CWC27: variants seen among roughly 807,000 people sequenced by gnomAD.
The protein encoded by CWC27 is spliceosome-associated protein CWC27 homolog.
A neutral mutation model predicts 63.6 loss-of-function variants in CWC27; 47 were observed. That is an observed-to-expected ratio of 0.74 (90% CI 0.58 to 0.94). The LOEUF is 0.94. Among genes scored for constraint, CWC27 ranks in the 40% least tolerant of loss-of-function variants. The pLI, the probability that CWC27 is intolerant of heterozygous loss-of-function variation, is 0.00. For synonymous variants in CWC27, 175 were observed against 179.8 expected (o/e 0.97, Z 0.22); for missense variants, 495 against 554.3 (o/e 0.89, Z 1.07).
At chr5:64,788,884 T>C in intron 6 of CWC27, 67 bp from the exon 7 acceptor site, 1 of 1,036,046 alleles carries the variant, frequency 9.7e-7, no homozygotes, top group Non-Finnish European at 1.4e-6. Context: ...GCTCTGAAAA[T>C]AAGGTATTTA....
intron 11 of CWC27, among the ~76,000 whole-genome samples, chr5:64,962,352 C>A (rs1433145165): frequency 1.3e-5 from 2 of 152,140 alleles, no homozygotes; most frequent in African/African-American, 4.8e-5. Flanking sequence ...GTACCAGAAA[C>A]AAAAGGAAGG....
rs138497090 is a variant in CWC27, at chr5:64,988,074, G to A, written c.1256+10836G>A. Among the ~76,000 whole-genome samples the A allele has an allele frequency of 5.3e-4, 81 of 152,136 alleles. 1 individual carries two copies. The East Asian group carries it at 0.014, about 26-fold the overall frequency. ...CTAGTGACATGAATTTTAGACCTTTGGTGTTCTCTGTCACCTCCATTCTGC... is the reference window on the plus strand; with the variant it reads ...CTAGTGACATGAATTTTAGACCTTTAGTGTTCTCTGTCACCTCCATTCTGC... On this transcript the variant is annotated intron_variant, in intron 13 of 13. Transcript: ENST00000381070.
At chr5:64,980,355 G>C (rs1749311991) in intron 13 of CWC27, among the ~76,000 whole-genome samples, 2 of 152,178 alleles carry the variant, frequency 1.3e-5, no homozygotes, top group Non-Finnish European at 2.9e-5. Flanking sequence ...GGATTCATAT[G>C]ACCATATGGA....
intron 10 of CWC27, among the ~76,000 whole-genome samples, chr5:64,815,623 C>A (rs941597464): frequency 3.9e-5 from 6 of 151,980 alleles, no homozygotes; most frequent in African/African-American, 1.4e-4. Context: ...TCATCATATT[C>A]CTGGCAGCCT....
At chr5:64,919,761 G>A (rs1353874216) in intron 11 of CWC27, among the ~76,000 whole-genome samples, 3 of 152,098 alleles carry the variant, frequency 2.0e-5, no homozygotes, top group Non-Finnish European at 4.4e-5. Context: ...CACCATTAAT[G>A]GGCACCTTGG....
intron 13 of CWC27, among the ~76,000 whole-genome samples, chr5:64,979,522 T>G (rs1238700307): frequency 6.6e-6 from 1 of 152,240 alleles, no homozygotes; most frequent in Non-Finnish European, 1.5e-5. Context: ...CTTTCTCAAG[T>G]CTCTGGTGAT....
chr5:64,829,100 A>G (rs940503198), intron 10 of CWC27, among the ~76,000 whole-genome samples: 1 of 152,210 alleles, frequency 6.6e-6, no homozygotes, highest in Non-Finnish European at 1.5e-5. Flanking sequence ...AGATTGTATT[A>G]TAACAGGATA....
intron 10 of CWC27, among the ~76,000 whole-genome samples, chr5:64,882,592 G>T (rs1342285630): frequency 6.6e-6 from 1 of 152,046 alleles, no homozygotes; most frequent in Non-Finnish European, 1.5e-5. Context: ...TTTAGTTGTT[G>T]TTGTTGTTGT....
chr5:64,859,661 A>G (rs1746350671), intron 10 of CWC27, among the ~76,000 whole-genome samples: 2 of 152,266 alleles, frequency 1.3e-5, no homozygotes, highest in African/African-American at 2.4e-5. Context: ...GCATATTACT[A>G]AAAACTAAAG....
At chr5:65,005,965 T>C (rs1435074351) in intron 13 of CWC27, among the ~76,000 whole-genome samples, 1 of 152,164 alleles carries the variant, frequency 6.6e-6, no homozygotes, top group Admixed American at 6.5e-5. Flanking sequence ...CCGAGAGTCA[T>C]AGGAGAAAAA....
intron 5 of CWC27, 78 bp downstream of exon 5, chr5:64,785,657 T>C: frequency 1.1e-6 from 1 of 910,516 alleles, no homozygotes. Context: ...TTTTAAACTA[T>C]TGGATTAAGG....
chr5:64,986,555 G>A (rs1426807040), intron 13 of CWC27, among the ~76,000 whole-genome samples: 1 of 152,222 alleles, frequency 6.6e-6, no homozygotes, highest in African/African-American at 2.4e-5. Flanking sequence ...CATAGAGCAA[G>A]TTAGAAAGTG....
intron 10 of CWC27, chr5:64,807,534 T>C: frequency 2.7e-6 from 4 of 1,458,122 alleles, no homozygotes; most frequent in Non-Finnish European, 3.6e-6. Flanking sequence ...TATTCTGACT[T>C]CCTAGGATTT....
chr5:64,775,622 T>TCC (rs1743413795), intron 2 of CWC27, among the ~76,000 whole-genome samples: 2 of 152,188 alleles, frequency 1.3e-5, no homozygotes, highest in South Asian at 4.1e-4. Context: ...CACACAGCCT[T>TCC]CCAGCTAGCA....
At chr5:64,826,141 T>A (rs1745353832) in intron 10 of CWC27, among the ~76,000 whole-genome samples, 1 of 150,998 alleles carries the variant, frequency 6.6e-6, no homozygotes. Context: ...TATTTATCTG[T>A]CTTCTACTGG....
intron 10 of CWC27, among the ~76,000 whole-genome samples, chr5:64,838,946 C>T (rs1745733923): frequency 6.6e-6 from 1 of 152,086 alleles, no homozygotes; most frequent in Non-Finnish European, 1.5e-5. Context: ...TGAAAATAAT[C>T]AGTCATACTA....
intron 10 of CWC27, among the ~76,000 whole-genome samples, chr5:64,827,311 G>A (rs909302131): frequency 6.6e-6 from 1 of 152,082 alleles, no homozygotes. Context: ...ATCTTACCTA[G>A]CCTCAGAACT....
chr5:64,801,650 T>C (rs1258517792), intron 9 of CWC27, among the ~76,000 whole-genome samples: 3 of 152,106 alleles, frequency 2.0e-5, no homozygotes, highest in Non-Finnish European at 4.4e-5. Flanking sequence ...TTTATTGTAT[T>C]AAAAGTTTAA....
intron 11 of CWC27, among the ~76,000 whole-genome samples, chr5:64,937,576 T>TG (rs1748382965): frequency 6.6e-6 from 1 of 152,214 alleles, no homozygotes; most frequent in Non-Finnish European, 1.5e-5. Flanking sequence ...TCTGTTGATT[T>TG]GGGGTGGAGG....
Sources: gnomAD v4.1 joint callset for allele counts (sites outside exome capture counted in the v4.1 genomes callset) on GRCh38, gnomAD v4.1.1 for gene constraint, MANE v1.5 for transcripts, NCBI Gene and HGNC (gene_info 2026-07-23, HGNC 2026-07-21) for gene names.